The following ABCA9 variants were observed in gnomAD, a reference collection of about 807,000 sequenced individuals.
ABCA9 encodes the protein ATP-binding cassette sub-family A member 9.
A neutral mutation model predicts 205.3 loss-of-function variants in ABCA9; 183 were observed. That is an observed-to-expected ratio of 0.89 (90% CI 0.79 to 1.01). ABCA9 has a LOEUF of 1.01. Among genes scored for constraint, ABCA9 ranks in the 50% least tolerant of loss-of-function variants. The pLI is 0.00. For synonymous variants in ABCA9, 651 were observed against 683.3 expected (o/e 0.95, Z 0.74); for missense variants, 1,805 against 1,912.4 (o/e 0.94, Z 1.05).
chr17:68,978,368 A>C (rs2068946243), intron 37 of ABCA9, among the ~76,000 whole-genome samples: 1 of 151,980 alleles, frequency 6.6e-6, no homozygotes, highest in Admixed American at 6.6e-5. Context: ...GTGTCTCTGC[A>C]TGTGAGATGG....
At chr17:69,004,520 T>C (rs1040283281) in intron 25 of ABCA9, among the ~76,000 whole-genome samples, 19 of 152,234 alleles carry the variant, frequency 1.2e-4, no homozygotes, top group African/African-American at 4.3e-4. Flanking sequence ...TTCAAAGCTG[T>C]CAGACAGGGA....
At chr17:69,046,182 G>A (rs902774087) in intron 3 of ABCA9, among the ~76,000 whole-genome samples, 26 of 152,232 alleles carry the variant, frequency 1.7e-4, no homozygotes, top group African/African-American at 2.6e-4. Context: ...TCCAAAGACA[G>A]AATAAAACTG....
chr17:69,033,683 A>G (rs2071236623), intron 9 of ABCA9, 43 bp downstream of exon 9: 1 of 1,521,848 alleles, frequency 6.6e-7, no homozygotes, highest in South Asian at 1.2e-5. Context: ...AAAGACATGC[A>G]ATTATTGAAA....
At chr17:69,041,974 A>G (rs1285105146) in intron 6 of ABCA9, among the ~76,000 whole-genome samples, 1 of 152,196 alleles carries the variant, frequency 6.6e-6, no homozygotes, top group Non-Finnish European at 1.5e-5. Flanking sequence ...ATACGCCCAG[A>G]ACCCTTATAT....
Position 69,017,754 on chromosome 17 carries a change from G to A in ABCA9, c.2803C>T (p.Arg935Ter), listed in dbSNP as rs751125095. 2.8e-5 allele frequency: 45 copies of A among 1,613,112 alleles called. No homozygotes were observed. The highest frequency in any genetic ancestry group is 4.5e-5 in the East Asian group (2 of 44,876). ...TIDNFLHSLR[R>*]QNIAIEVDAF... ...TCCACTTCTATAGCTATGTTCTGTC[G>A]CCTCAGTGAATGTAAAAAGTTATCA... Residue 935 changes from arginine to a stop codon, truncating the protein, a stop_gained, in exon 21 of 39, where the codon CGA becomes TGA. Coordinates refer to ENST00000340001, the MANE Select transcript of ABCA9 (RefSeq NM_080283.4). LOFTEE classifies it high-confidence loss of function.
chr17:68,981,365 C>G (rs1280618039), intron 37 of ABCA9, among the ~76,000 whole-genome samples: 1 of 152,008 alleles, frequency 6.6e-6, no homozygotes. Context: ...CATGAGCAGC[C>G]TTTTTTAAAA....
At chr17:68,982,693 C>A in intron 36 of ABCA9, 52 bp from the exon 37 acceptor site, 1 of 1,416,770 alleles carries the variant, frequency 7.1e-7, no homozygotes, top group Non-Finnish European at 1.0e-6. Context: ...GTTGAAACCC[C>A]GATGGGTACA....
chr17:68,982,776 G>T, intron 36 of ABCA9, 135 bp from the exon 37 acceptor site: 1 of 624,178 alleles, frequency 1.6e-6, no homozygotes. Context: ...AGGCCAAGAA[G>T]GGAAGATTGC....
the ABCA9 span, among the ~76,000 whole-genome samples, chr17:69,074,397 C>A: frequency 6.6e-6 from 1 of 152,070 alleles, no homozygotes; most frequent in Non-Finnish European, 1.5e-5. Flanking sequence ...TTTCTCCTTG[C>A]CTCCCTCCCT....
At chr17:69,052,790 C>T (rs550826135) in intron 1 of ABCA9, among the ~76,000 whole-genome samples, 1 of 152,304 alleles carries the variant, frequency 6.6e-6, no homozygotes, top group Non-Finnish European at 1.5e-5. Context: ...AGTCAGAAGC[C>T]TGGGTCTTTT....
chr17:68,977,231 C>T (rs1272254090), intron 37 of ABCA9, among the ~76,000 whole-genome samples: 1 of 151,742 alleles, frequency 6.6e-6, no homozygotes, highest in Non-Finnish European at 1.5e-5. Flanking sequence ...TCACAGGAGC[C>T]AAAAGCAGGA....
At chr17:69,049,192 G>A in intron 3 of ABCA9, 91 bp downstream of exon 3, 1 of 1,319,644 alleles carries the variant, frequency 7.6e-7, no homozygotes, top group South Asian at 1.5e-5. Context: ...CTAGAAACTT[G>A]AACATTCAAC....
intron 6 of ABCA9, among the ~76,000 whole-genome samples, chr17:69,039,690 C>G (rs1223726638): frequency 6.6e-6 from 1 of 152,014 alleles, no homozygotes; most frequent in Non-Finnish European, 1.5e-5. Flanking sequence ...GCAACAAAAG[C>G]AAAAATTGAC....
At chr17:69,019,472 T>C (rs1326469047) in intron 19 of ABCA9, among the ~76,000 whole-genome samples, 1 of 152,162 alleles carries the variant, frequency 6.6e-6, no homozygotes, top group East Asian at 1.9e-4. Flanking sequence ...TCAGCCTGAA[T>C]TTCCATTCTC....
chr17:69,044,704 G>T, intron 4 of ABCA9, 104 bp from the exon 5 acceptor site: 1 of 961,338 alleles, frequency 1.0e-6, no homozygotes, highest in Non-Finnish European at 1.5e-6. Flanking sequence ...TGATAATATA[G>T]TGGATGGTAA....
At chr17:69,015,210 C>T (rs2070542407) in intron 22 of ABCA9, among the ~76,000 whole-genome samples, 1 of 152,110 alleles carries the variant, frequency 6.6e-6, no homozygotes, top group African/African-American at 2.4e-5. Flanking sequence ...CCACAACTAC[C>T]CACCCTCTTC....
the ABCA9 span, among the ~76,000 whole-genome samples, chr17:69,069,861 T>C: frequency 6.6e-6 from 1 of 152,200 alleles, no homozygotes; most frequent in South Asian, 2.1e-4. Context: ...AAAACCTTTA[T>C]ACTATATCTG....
At chr17:69,004,063 A>G (rs571586873) in intron 25 of ABCA9, among the ~76,000 whole-genome samples, 15 of 152,144 alleles carry the variant, frequency 9.9e-5, no homozygotes, top group African/African-American at 3.4e-4. Flanking sequence ...TTTGGTTTGC[A>G]TGTCTTCCCG....
intron 22 of ABCA9, among the ~76,000 whole-genome samples, chr17:69,015,776 G>C (rs1254832028): frequency 6.6e-6 from 1 of 151,948 alleles, no homozygotes. Context: ...ATGACCTATA[G>C]CCTGTAGAAG....
Sources: gnomAD v4.1 joint callset for allele counts (sites outside exome capture counted in the v4.1 genomes callset) on GRCh38, gnomAD v4.1.1 for gene constraint, MANE v1.5 for transcripts, NCBI Gene and HGNC (gene_info 2026-07-23, HGNC 2026-07-21) for gene names.